The following PTPRD variants were observed in gnomAD, a reference collection of about 807,000 sequenced individuals.
PTPRD encodes the protein protein tyrosine phosphatase receptor type D, also known as receptor-type tyrosine-protein phosphatase delta.
In PTPRD, 34 loss-of-function variants were observed where a neutral mutation model predicts 214.5. The observed-to-expected ratio is 0.16, with a 90% confidence interval of 0.12 to 0.21. PTPRD has a LOEUF of 0.21. Among genes scored for constraint, PTPRD ranks in the 10% least tolerant of loss-of-function variants. PTPRD has a pLI of 1.00. For missense variants in PTPRD, 2,545 were observed against 2,398.7 expected, an observed-to-expected ratio of 1.06 and a Z score of -1.27; for synonymous variants, 1,128 against 845.7, an observed-to-expected ratio of 1.33 and a Z score of -5.79.
chr9:9,589,047 G>A (rs746146712), intron 7 of PTPRD, among the ~76,000 whole-genome samples: 14 of 151,742 alleles, frequency 9.2e-5, no homozygotes, highest in East Asian at 1.9e-4. Context: ...GACCACTTCC[G>A]TATGCTTATT....
At chr9:10,398,749 A>C (rs972510126) in intron 2 of PTPRD, among the ~76,000 whole-genome samples, 6 of 152,012 alleles carry the variant, frequency 3.9e-5, no homozygotes, top group Non-Finnish European at 7.4e-5. Context: ...CCACGTATGC[A>C]TATTGTGTTT....
At position 8,471,042 on chromosome 9, in the gene PTPRD, T is replaced by C. The variant is rs1471848912; in HGVS notation, c.3457A>G (p.Lys1153Glu). 3 of 1,613,380 alleles carry C rather than the reference T, an allele frequency of 1.9e-6. No individual in the cohort carries two copies. The highest frequency in any genetic ancestry group is 2.5e-6 in the Non-Finnish European group (3 of 1,179,534). Reference sequence around the variant, plus strand: ...GGACTCTCCCATGGCTTGATAAATTTCCCGCGAGATTTCTTCAAAGGCACA... The same window carrying C: ...GGACTCTCCCATGGCTTGATAAATTCCCCGCGAGATTTCTTCAAAGGCACA... ...IIVPLKKSRGKFIKPWESPDE... is the reference protein window; with the variant it reads ...IIVPLKKSRGEFIKPWESPDE... Residue 1153 changes from lysine (K) to glutamate (E), a missense_variant, in exon 31 of 46, where the codon AAA (lysine) becomes GAA (glutamate). By Grantham distance (56) the Lys-to-Glu change is moderately conservative. Transcript: ENST00000381196.
At chr9:9,962,570 C>G (rs576753208) in intron 4 of PTPRD, among the ~76,000 whole-genome samples, 1 of 152,044 alleles carries the variant, frequency 6.6e-6, no homozygotes, top group South Asian at 2.1e-4. Context: ...CTGTAAACTC[C>G]GTTGCCCTTT....
chr9:9,082,007 T>C (rs559684705), intron 10 of PTPRD, among the ~76,000 whole-genome samples: 1 of 151,944 alleles, frequency 6.6e-6, no homozygotes, highest in Admixed American at 6.6e-5. Flanking sequence ...ACCAGACAGA[T>C]TCACAGCCAA....
Position 10,056,965 on chromosome 9 carries a change from A to G in PTPRD, c.-544-23175T>C, listed in dbSNP as rs532873328. 9.2e-5 allele frequency among the ~76,000 whole-genome samples: 14 copies of G among 152,294 alleles called. No individual in the cohort carries two copies. The East Asian group carries it at 2.5e-3, about 27-fold the overall frequency. On this transcript the variant is annotated intron_variant, in intron 3 of 45. Coordinates refer to ENST00000381196, the MANE Select transcript of PTPRD (RefSeq NM_002839.4). Reference sequence around the variant, plus strand: ...TATTTTTGGTTATAAAAATAGGTGAATTTGTATCAAGTAGAGAATTGTAAA... The same window carrying G: ...TATTTTTGGTTATAAAAATAGGTGAGTTTGTATCAAGTAGAGAATTGTAAA...
At chr9:10,485,918 G>A (rs1040690240) in intron 2 of PTPRD, among the ~76,000 whole-genome samples, 3 of 151,930 alleles carry the variant, frequency 2.0e-5, no homozygotes, top group Admixed American at 6.6e-5. Context: ...TGTGGTATCA[G>A]TTGCAGTATC....
chr9:10,074,827 C>A (rs1376630886), intron 3 of PTPRD, among the ~76,000 whole-genome samples: 1 of 152,116 alleles, frequency 6.6e-6, no homozygotes, highest in Non-Finnish European at 1.5e-5. Context: ...CCGAAGCCAT[C>A]TGAAATGTTG....
intron 10 of PTPRD, among the ~76,000 whole-genome samples, chr9:9,043,392 A>C (rs745462): frequency 0.11 from 16,538 of 152,170 alleles, 1,009 homozygotes; most frequent in African/African-American, 0.18. Context: ...CACCATTATT[A>C]AACAATACAG....
At chr9:9,895,749 G>T (rs992506391) in intron 5 of PTPRD, among the ~76,000 whole-genome samples, 1 of 152,028 alleles carries the variant, frequency 6.6e-6, no homozygotes, top group African/African-American at 2.4e-5. Flanking sequence ...TCTTCAAATT[G>T]TAAAATGAAG....
intron 2 of PTPRD, among the ~76,000 whole-genome samples, chr9:10,546,286 T>C (rs1344716769): frequency 6.6e-6 from 1 of 152,086 alleles, no homozygotes; most frequent in African/African-American, 2.4e-5. Flanking sequence ...ATTAAAGCCT[T>C]GATATGTGAT....
chr9:8,427,864 T>C (rs2094791622), intron 35 of PTPRD, among the ~76,000 whole-genome samples: 1 of 151,994 alleles, frequency 6.6e-6, no homozygotes, highest in African/African-American at 2.4e-5. Context: ...ATATCTTTTA[T>C]TCCTTAGTGG....
rs372367194 is a variant in PTPRD at position 9,843,105 on chromosome 9, T to C, written c.-367-76254A>G. On this transcript the variant is annotated intron_variant, in intron 5 of 45. Transcript: ENST00000381196. ...ATTTTCCATAAAGGATTTTGGGCTA[T>C]AATGTCAGAGTTAAGTTGTTACAAC... 2.6e-5 allele frequency among the ~76,000 whole-genome samples: 4 copies of C among 152,206 alleles called. No individual in the cohort carries two copies. The East Asian group carries it at 5.8e-4, about 22-fold the overall frequency.
intron 7 of PTPRD, among the ~76,000 whole-genome samples, chr9:9,601,749 T>A (rs1273715994): frequency 6.6e-6 from 1 of 152,084 alleles, no homozygotes; most frequent in Non-Finnish European, 1.5e-5. Context: ...TTAAGATCAT[T>A]GTTCTGGTGG....
At chr9:9,177,520 G>C (rs567965952) in intron 10 of PTPRD, among the ~76,000 whole-genome samples, 176 of 152,062 alleles carry the variant, frequency 1.2e-3, no homozygotes, top group Non-Finnish European at 2.2e-3. Flanking sequence ...ATATATTAGA[G>C]CATAACTATC....
chr9:9,765,054 T>C (rs553397180), intron 6 of PTPRD, among the ~76,000 whole-genome samples: 1 of 152,284 alleles, frequency 6.6e-6, no homozygotes, highest in East Asian at 1.9e-4. Context: ...CCTGGAGCCA[T>C]TCATTCCCTG....
At chr9:9,387,266 T>C (rs1465999501) in intron 9 of PTPRD, among the ~76,000 whole-genome samples, 1 of 152,218 alleles carries the variant, frequency 6.6e-6, no homozygotes, top group Non-Finnish European at 1.5e-5. Context: ...ATTTTAATAA[T>C]ACAAGTTGGT....
chr9:9,036,542 G>A (rs572358039), intron 10 of PTPRD, among the ~76,000 whole-genome samples: 2 of 152,192 alleles, frequency 1.3e-5, no homozygotes, highest in East Asian at 1.9e-4. Context: ...TAATCATAAT[G>A]TGTCAATAGT....
chr9:9,965,750 T>C (rs1352712583), intron 4 of PTPRD, among the ~76,000 whole-genome samples: 8 of 152,190 alleles, frequency 5.3e-5, no homozygotes, highest in Admixed American at 4.6e-4. Context: ...TCTTCAGATA[T>C]CACAATTGTT....
chr9:9,772,085 G>A (rs980585918), intron 5 of PTPRD, among the ~76,000 whole-genome samples: 2 of 152,048 alleles, frequency 1.3e-5, no homozygotes, highest in Non-Finnish European at 2.9e-5. Context: ...TTTAGAGATA[G>A]GATATTTTAA....
Sources: allele counts gnomAD v4.1 joint callset (sites outside exome capture counted in the v4.1 genomes callset), GRCh38; gene constraint gnomAD v4.1.1; transcripts MANE v1.5; gene names NCBI Gene and HGNC (gene_info 2026-07-23, HGNC 2026-07-21).